Variants in CEP192 observed in about 807,000 individuals in gnomAD.
CEP192 encodes the protein centrosomal protein of 192 kDa.
Under a neutral mutation model 271.8 loss-of-function variants are expected in CEP192, and 151 were observed. That is an observed-to-expected ratio of 0.56 (90% CI 0.49 to 0.64). The LOEUF is 0.64. Among genes scored for constraint, CEP192 ranks in the 30% least tolerant of loss-of-function variants. The probability of loss-of-function intolerance (pLI) is 0.00; values close to 1 mark genes in which losing one functional copy is unlikely to be tolerated. For missense variants in CEP192, 2,910 were observed against 3,020.5 expected (o/e 0.96, Z 0.86); for synonymous variants, 995 against 1,076.5 (o/e 0.92, Z 1.48).
At chr18:13,123,185 A>G (rs1030675021) in intron 44 of CEP192, among the ~76,000 whole-genome samples, 8 of 152,170 alleles carry the variant, frequency 5.3e-5, no homozygotes, top group Admixed American at 2.0e-4. Context: ...ATGGTACTAT[A>G]TTTATCCAAG....
chr18:13,041,006 C>A, intron 14 of CEP192, 50 bp downstream of exon 14: 1 of 1,523,700 alleles, frequency 6.6e-7, no homozygotes, highest in Non-Finnish European at 8.9e-7. Flanking sequence ...TTCTTAAATG[C>A]GTAACTTAGG....
Position 13,073,059 on chromosome 18 carries a change from C to T in CEP192, c.5490C>T (p.Ile1830=). 6.2e-7 allele frequency: 1 copy of T among 1,613,200 alleles called. No homozygotes were observed. The highest frequency in any genetic ancestry group is 8.5e-7 in the Non-Finnish European group (1 of 1,179,752). ...AGCGATTGACCAGTAACTGTGAGATCAGAATTCACCCAAAGGAAGACATTT... is the reference window on the plus strand; with the variant it reads ...AGCGATTGACCAGTAACTGTGAGATTAGAATTCACCCAAAGGAAGACATTT... ...SEQRLTSNCE[I]RIHPKEDIFI... Residue 1830 remains isoleucine, a synonymous_variant, in exon 30 of 45, where the codon ATC becomes ATT. Coordinates refer to ENST00000506447, the MANE Select transcript of CEP192 (RefSeq NM_032142.4).
chr18:13,087,723 A>G, intron 32 of CEP192, 77 bp downstream of exon 32: 1 of 629,712 alleles, frequency 1.6e-6, no homozygotes, highest in Non-Finnish European at 2.5e-6. Context: ...GGGATTTGGA[A>G]TTTTTAGAGT....
chr18:13,019,521 T>C (rs2034864990), intron 9 of CEP192, among the ~76,000 whole-genome samples: 1 of 152,312 alleles, frequency 6.6e-6, no homozygotes, highest in African/African-American at 2.4e-5. Context: ...TTTCATTGTT[T>C]CAGTTTTTTC....
intron 33 of CEP192, among the ~76,000 whole-genome samples, chr18:13,090,108 A>G (rs546135497): frequency 6.6e-6 from 1 of 152,346 alleles, no homozygotes; most frequent in South Asian, 2.1e-4. Context: ...ATATTTAACA[A>G]TATTTATTAT....
intron 30 of CEP192, among the ~76,000 whole-genome samples, chr18:13,081,152 TA>T (rs1376682813): frequency 6.6e-6 from 1 of 152,178 alleles, no homozygotes; most frequent in African/African-American, 2.4e-5. Context: ...GCTGGCCTCA[TA>T]AAAAATGAGT....
chr18:13,049,212 T>C lies in CEP192; in HGVS notation c.2421T>C (p.Asp807=), dbSNP rs1238279322. The stretch of plus-strand genomic sequence containing the variant: ...ACTTTTCAAGGGCTAGTATGTCTGA[T>C]ACTTGGGATTTATCTTTGCCCAAAG... ...LENFSRASMS[D]TWDLSLPKEQ... Residue 807 remains aspartate (D), a synonymous_variant, in exon 16 of 45, where the codon GAT becomes GAC. Coordinates refer to ENST00000506447, the MANE Select transcript of CEP192 (RefSeq NM_032142.4). 6.2e-7 allele frequency: 1 copy of C among 1,613,972 alleles called. No individual in the cohort carries two copies. The highest frequency in any genetic ancestry group is 8.5e-7 in the Non-Finnish European group (1 of 1,180,024).
intron 9 of CEP192, among the ~76,000 whole-genome samples, chr18:13,026,415 C>T (rs748218603): frequency 6.6e-6 from 1 of 152,112 alleles, no homozygotes; most frequent in Non-Finnish European, 1.5e-5. Context: ...GTTCTGTGAG[C>T]TTCCCGGTAT....
At chr18:13,082,931 A>T (rs1396310056) in intron 30 of CEP192, among the ~76,000 whole-genome samples, 1 of 151,972 alleles carries the variant, frequency 6.6e-6, no homozygotes, top group East Asian at 1.9e-4. Flanking sequence ...CTTTCCTTTA[A>T]TATGTTGAAT....
intron 11 of CEP192, among the ~76,000 whole-genome samples, chr18:13,034,682 G>T (rs576548828): frequency 2.6e-5 from 4 of 151,834 alleles, no homozygotes; most frequent in East Asian, 3.9e-4. Flanking sequence ...TGGGTGTGGT[G>T]GTGGGCACCT....
At chr18:13,029,428 A>T (rs1157219917) in intron 9 of CEP192, among the ~76,000 whole-genome samples, 3 of 152,170 alleles carry the variant, frequency 2.0e-5, no homozygotes, top group Non-Finnish European at 4.4e-5. Flanking sequence ...TGGTATGTAA[A>T]TCTCTTGATG....
At chr18:13,103,307 A>G (rs1598612164) in intron 38 of CEP192, among the ~76,000 whole-genome samples, 1 of 152,202 alleles carries the variant, frequency 6.6e-6, no homozygotes, top group African/African-American at 2.4e-5. Flanking sequence ...GTATTTTTGC[A>G]TTATACTTGT....
At chr18:13,060,872 T>G (rs756280845) in intron 21 of CEP192, among the ~76,000 whole-genome samples, 2 of 151,824 alleles carry the variant, frequency 1.3e-5, no homozygotes, top group Non-Finnish European at 2.9e-5. Flanking sequence ...TATAGTGAAC[T>G]ATGATCACAT....
At chr18:13,070,965 A>G (rs914878775) in intron 27 of CEP192, 74 bp from the exon 28 acceptor site, 7 of 1,267,130 alleles carry the variant, frequency 5.5e-6, no homozygotes, top group South Asian at 1.3e-5. Flanking sequence ...CTTTTGGACA[A>G]TGGAAACATA....
At chr18:13,066,017 A>G (rs74512576) in intron 21 of CEP192, among the ~76,000 whole-genome samples, 6,655 of 152,254 alleles carry the variant, frequency 0.044, 216 homozygotes, top group East Asian at 0.14. Flanking sequence ...AAGGAAGTCA[A>G]TATTCAAAAT....
At chr18:13,104,882 G>A (rs2144947646) in intron 39 of CEP192, 102 bp from the exon 40 acceptor site, 1 of 866,434 alleles carries the variant, frequency 1.2e-6, no homozygotes, top group Non-Finnish European at 1.9e-6. Context: ...CCACTGCTAA[G>A]TGTGTTGGTG....
At chr18:13,003,660 A>AAGCC (rs1458203911) in intron 3 of CEP192, among the ~76,000 whole-genome samples, 15 of 152,020 alleles carry the variant, frequency 9.9e-5, no homozygotes, top group Admixed American at 9.8e-4. Context: ...GAGATACGGG[A>AAGCC]AGCCACTAGA....
At chr18:13,035,964 G>A (rs2035894277) in intron 11 of CEP192, among the ~76,000 whole-genome samples, 1 of 151,852 alleles carries the variant, frequency 6.6e-6, no homozygotes, top group Admixed American at 6.6e-5. Context: ...GGGCAACATG[G>A]CAAAACCCCA....
intron 5 of CEP192, 43 bp downstream of exon 5, chr18:13,013,068 G>T: frequency 1.0e-6 from 1 of 984,162 alleles, no homozygotes; most frequent in South Asian, 1.6e-5. Flanking sequence ...GAGTACTATA[G>T]GGCAGTAAAA....
Sources: gnomAD v4.1 joint callset for allele counts (sites outside exome capture counted in the v4.1 genomes callset) on GRCh38, gnomAD v4.1.1 for gene constraint, MANE v1.5 for transcripts, NCBI Gene and HGNC (gene_info 2026-07-23, HGNC 2026-07-21) for gene names.